The following ARSH variants were observed in gnomAD, a reference collection of about 807,000 sequenced individuals.
ARSH encodes arylsulfatase H.
Under a neutral mutation model 28.7 loss-of-function variants are expected in ARSH, and 32 were observed. That is an observed-to-expected ratio of 1.11 (90% CI 0.84 to 1.50). The LOEUF (loss-of-function observed/expected upper bound fraction) is 1.50, where lower values mean the gene tolerates loss of function less well. Among genes scored for constraint, ARSH ranks in the 40% most tolerant of loss-of-function variants. ARSH has a pLI of 0.00. For missense variants in ARSH, 440 were observed against 452.4 expected, an observed-to-expected ratio of 0.97 and a Z score of 0.25; for synonymous variants, 176 against 177.3, an observed-to-expected ratio of 0.99 and a Z score of 0.06.
intron 5 of ARSH, among the ~76,000 whole-genome samples, chrX:3,020,598 A>G (rs1381900077): frequency 1.9e-5 from 2 of 107,116 alleles, no homozygotes; most frequent in African/African-American, 6.8e-5. Context: ...CAAAAAAAAA[A>G]AAAAAAAAAA....
intron 2 of ARSH, 65 bp from the exon 3 acceptor site, chrX:3,012,982 A>C (rs184278418): frequency 8.7e-7 from 1 of 1,143,887 alleles, no homozygotes; most frequent in Non-Finnish European, 1.2e-6. Flanking sequence ...GACTTTAAGC[A>C]TGTCGGGATA....
Position 3,029,338 on chromosome X carries a change from C to T in ARSH, c.1291C>T (p.Leu431=), listed in dbSNP as rs145847839. The T allele has an allele frequency of 2.5e-6, 3 of 1,208,885 alleles. No homozygotes were observed. In the African/African-American group the frequency reaches 5.3e-5, roughly 21 times the overall value. Residue 431 remains leucine, a synonymous_variant, in exon 8 of 9, where the codon CTG becomes TTG. Coordinates refer to ENST00000381130, the MANE Select transcript of ARSH (RefSeq NM_001011719.2). The part of the protein sequence containing the change: ...EFLFHYCGVY[L]HTVRWHQKDC... Reference sequence around the variant, plus strand: ...CCTCTTCCACTACTGTGGGGTCTATCTGCACACGGTCAGGTGGCATCAGAA... The same window carrying T: ...CCTCTTCCACTACTGTGGGGTCTATTTGCACACGGTCAGGTGGCATCAGAA...
intron 3 of ARSH, among the ~76,000 whole-genome samples, chrX:3,014,723 T>C (rs1024632989): frequency 9.0e-6 from 1 of 111,255 alleles, no homozygotes; most frequent in African/African-American, 3.3e-5. Context: ...AACACTAGGC[T>C]CCTCTCCTTG....
intron 8 of ARSH, among the ~76,000 whole-genome samples, chrX:3,030,647 T>G (rs1310849761): frequency 9.0e-6 from 1 of 111,670 alleles, no homozygotes; most frequent in Non-Finnish European, 1.9e-5. Context: ...TCAGATCTCG[T>G]GAGACTTATT....
rs779662811 is a variant in ARSH at position 3,024,112 on chromosome X, G to C, written c.993G>C (p.Leu331=). 1 of 1,202,066 alleles carries C rather than the reference G, an allele frequency of 8.3e-7. No individual in the cohort carries two copies. The highest frequency in any genetic ancestry group is 1.8e-5 in the African/African-American group (1 of 56,503). ...TSDNGGHLEP[L]DGAVQLGGWN... is the part of the protein sequence containing the mutation. ...ACAACGGGGGCCACCTGGAGCCCCT[G>C]GACGGGGCTGTTCAGCTGGGTGGCT... The change falls in exon 6 of 9, where the codon CTG becomes CTC. Residue 331 remains leucine (L), a synonymous_variant. Coordinates refer to ENST00000381130, the MANE Select transcript of ARSH (RefSeq NM_001011719.2).
At chrX:3,022,425 A>G (rs1318426299) in intron 5 of ARSH, among the ~76,000 whole-genome samples, 1 of 111,955 alleles carries the variant, frequency 8.9e-6, no homozygotes, top group African/African-American at 3.2e-5. Flanking sequence ...TTCTAAAACA[A>G]ATCACTGAGT....
rs1230272190 is a variant in ARSH at position 3,013,227 on chromosome X, C to T, written c.340+55C>T. The T allele has an allele frequency of 6.9e-6, 8 of 1,165,596 alleles. No individual in the cohort carries two copies. The African/African-American group carries it at 1.3e-4, about 18-fold the overall frequency. On this transcript the variant is annotated intron_variant, in intron 3 of 8. Coordinates refer to ENST00000381130, the MANE Select transcript of ARSH (RefSeq NM_001011719.2). ...CGTGATCCTGCAGCCTCTCTGTCATCGTGTCTAAGGTGTTTCCGGGGATGT... is the reference window on the plus strand; with the variant it reads ...CGTGATCCTGCAGCCTCTCTGTCATTGTGTCTAAGGTGTTTCCGGGGATGT...
intron 1 of ARSH, among the ~76,000 whole-genome samples, chrX:3,008,053 G>A (rs1298670732): frequency 1.8e-5 from 2 of 111,922 alleles, no homozygotes; most frequent in Non-Finnish European, 3.8e-5. Flanking sequence ...CAGGAATTTG[G>A]GAGGGACACA....
rs201188539 is a variant in ARSH at position 3,033,114 on chromosome X, A to T, written c.1418A>T (p.Asp473Val). The change falls in exon 9 of 9, where the codon GAT (aspartate) becomes GTT (valine). Residue 473 changes from aspartate (D) to valine (V), a missense_variant. Coordinates refer to ENST00000381130, the MANE Select transcript of ARSH (RefSeq NM_001011719.2). ...YGSGICSCSG[D>V]VTYHDPPLLF... ...AGTGGAATATGTTCATGTTCGGGGGATGTAACCTACCACGACCCACCACTC... is the reference window on the plus strand; with the variant it reads ...AGTGGAATATGTTCATGTTCGGGGGTTGTAACCTACCACGACCCACCACTC... 1.7e-6 allele frequency: 2 copies of T among 1,209,047 alleles called. No individual in the cohort carries two copies. Among genetic ancestry groups the T allele is most frequent in the Non-Finnish European group, 2.2e-6 (2 of 895,037 alleles).
chrX:3,012,582 TATATATATATATATATA>T (rs2089852121), intron 2 of ARSH, among the ~76,000 whole-genome samples: 6 of 18,959 alleles, frequency 3.2e-4, no homozygotes, highest in African/African-American at 1.3e-3. Context: ...TATATATATA[TATATATATATATATATA>T]ATATATATAT....
intron 5 of ARSH, among the ~76,000 whole-genome samples, chrX:3,021,613 G>A (rs1043982381): frequency 9.1e-6 from 1 of 110,275 alleles, no homozygotes; most frequent in Non-Finnish European, 1.9e-5. Flanking sequence ...CAAATACAAC[G>A]TGCAAAATGA....
At chrX:3,027,562 T>C in intron 7 of ARSH, 87 bp downstream of exon 7, 1 of 941,732 alleles carries the variant, frequency 1.1e-6, no homozygotes. Flanking sequence ...TGTGTGTATG[T>C]ACATAGTATA....
intron 8 of ARSH, among the ~76,000 whole-genome samples, chrX:3,029,723 G>A (rs1019303290): frequency 9.2e-6 from 1 of 109,068 alleles, no homozygotes; most frequent in African/African-American, 3.3e-5. Context: ...TAGAGATGGG[G>A]TTTCACCATG....
At chrX:3,009,543 C>G (rs2089840424) in intron 1 of ARSH, among the ~76,000 whole-genome samples, 1 of 109,774 alleles carries the variant, frequency 9.1e-6, no homozygotes, top group African/African-American at 3.3e-5. Context: ...GTGGACCTAG[C>G]TACTTGAGAG....
chrX:3,020,329 C>G (rs867038407), intron 5 of ARSH, among the ~76,000 whole-genome samples: 5 of 102,469 alleles, frequency 4.9e-5, no homozygotes, highest in Non-Finnish European at 9.8e-5. Context: ...GTGGCTCACG[C>G]CTGTAATCCC....
At chrX:3,012,936 G>T in intron 2 of ARSH, 111 bp from the exon 3 acceptor site, 1 of 945,276 alleles carries the variant, frequency 1.1e-6, no homozygotes, top group East Asian at 3.4e-5. Flanking sequence ...CAGAAAACTT[G>T]GGGAAGAATG....
chrX:3,013,156 C>T lies in ARSH; in HGVS notation c.324C>T (p.Tyr108=). ...TFAKLLQHRG[Y]RTGLIGKWHL... ...CCAAGCTGCTGCAGCACCGTGGCTA[C>T]CGCACGGGACTCATAGGTATGGCGC... Residue 108 remains tyrosine (Y), a synonymous_variant, in exon 3 of 9, where the codon TAC becomes TAT. Transcript: ENST00000381130. 2 of 1,208,414 alleles carry T rather than the reference C, an allele frequency of 1.7e-6. No homozygotes were observed. Among genetic ancestry groups the T allele is most frequent in the East Asian group, 3.0e-5 (1 of 33,539 alleles).
At chrX:3,020,960 A>G (rs1258037148) in intron 5 of ARSH, among the ~76,000 whole-genome samples, 3 of 111,482 alleles carry the variant, frequency 2.7e-5, no homozygotes, top group Non-Finnish European at 5.6e-5. Flanking sequence ...ACATATATAT[A>G]TACACACACC....
Position 3,027,363 on chromosome X carries a change from T to C in ARSH, c.1087T>C (p.Phe363Leu). 2 of 1,211,436 alleles carry C rather than the reference T, an allele frequency of 1.7e-6. No individual in the cohort carries two copies. Among genetic ancestry groups the C allele is most frequent in the East Asian group, 3.0e-5 (1 of 33,795 alleles). ...AGGAGGTATCCGTGTGCCAGGGATA[T>C]TCCGGTGGCCGTCAGTCTTGGAGGC... ...WEGGIRVPGI[F>L]RWPSVLEAGR... The change falls in exon 7 of 9, where the codon TTC (phenylalanine) becomes CTC (leucine). Residue 363 changes from phenylalanine (F) to leucine (L), a missense_variant. Physicochemically the swap from Phe to Leu is conservative, Grantham distance 22. Coordinates refer to ENST00000381130, the MANE Select transcript of ARSH (RefSeq NM_001011719.2).
Sources: allele counts gnomAD v4.1 joint callset (sites outside exome capture counted in the v4.1 genomes callset), GRCh38; gene constraint gnomAD v4.1.1; transcripts MANE v1.5; gene names NCBI Gene and HGNC (gene_info 2026-07-23, HGNC 2026-07-21).